The following CENPW variants were observed in gnomAD, a reference collection of about 807,000 sequenced individuals.
CENPW encodes cancer-up-regulated gene 2 protein.
In CENPW, 3 loss-of-function variants were observed where a neutral mutation model predicts 11.1. The ratio of observed to expected loss-of-function variants is 0.27; its 90% confidence interval spans 0.12 to 0.70. The LOEUF (loss-of-function observed/expected upper bound fraction) is 0.70, where lower values mean the gene tolerates loss of function less well. CENPW is among the 30% of genes least tolerant of loss of function. CENPW has a pLI of 0.77. For missense variants in CENPW, 100 were observed against 105.6 expected, an observed-to-expected ratio of 0.95 and a Z score of 0.23; for synonymous variants, 38 against 42.0, an observed-to-expected ratio of 0.91 and a Z score of 0.37.
the CENPW span, among the ~76,000 whole-genome samples, chr6:126,442,460 T>A: frequency 6.6e-6 from 1 of 151,410 alleles, no homozygotes; most frequent in Non-Finnish European, 1.5e-5. Context: ...ATCTTCACAA[T>A]CTATACATCC....
chr6:126,459,625 A>G, the CENPW span, among the ~76,000 whole-genome samples: 1 of 151,596 alleles, frequency 6.6e-6, no homozygotes, highest in East Asian at 1.9e-4. Flanking sequence ...AAAATATGGC[A>G]TGGTGTCTTA....
At chr6:126,479,021 A>G in the CENPW span, among the ~76,000 whole-genome samples, 1 of 152,024 alleles carries the variant, frequency 6.6e-6, no homozygotes, top group Non-Finnish European at 1.5e-5. Context: ...CATACATTTG[A>G]GTCCCAGCCC....
chr6:126,346,990 CT>C (rs1391715492), intron 2 of CENPW, among the ~76,000 whole-genome samples: 1 of 152,114 alleles, frequency 6.6e-6, no homozygotes, highest in Non-Finnish European at 1.5e-5. Context: ...GAGATGATTG[CT>C]TTTTACTGTT....
At chr6:126,422,327 T>C in the CENPW span, among the ~76,000 whole-genome samples, 8 of 152,110 alleles carry the variant, frequency 5.3e-5, no homozygotes, top group African/African-American at 1.7e-4. Flanking sequence ...TACAATGTAC[T>C]GGGTAGCTTA....
the CENPW span, among the ~76,000 whole-genome samples, chr6:126,364,343 A>G: frequency 6.6e-6 from 1 of 152,228 alleles, no homozygotes; most frequent in Admixed American, 6.5e-5. Flanking sequence ...AATGCAGATC[A>G]TAATTTAGGC....
chr6:126,425,159 C>T, the CENPW span, among the ~76,000 whole-genome samples: 1 of 152,116 alleles, frequency 6.6e-6, no homozygotes, highest in Admixed American at 6.6e-5. Context: ...TGGAGTCTTT[C>T]ACAGAGGATA....
chr6:126,430,116 T>G, the CENPW span, among the ~76,000 whole-genome samples: 10 of 152,332 alleles, frequency 6.6e-5, no homozygotes, highest in African/African-American at 2.4e-4. Context: ...GACCTGTGTA[T>G]GTACCTGGAA....
At chr6:126,424,233 C>A in the CENPW span, among the ~76,000 whole-genome samples, 18 of 151,990 alleles carry the variant, frequency 1.2e-4, no homozygotes, top group Non-Finnish European at 1.6e-4. Context: ...ATTCTGAAGA[C>A]CACACACAGA....
Position 126,346,226 on chromosome 6 carries a change from T to A in CENPW, c.148T>A (p.Phe50Ile). The A allele has an allele frequency of 6.2e-7, 1 of 1,602,658 alleles. No individual in the cohort carries two copies. The highest frequency in any genetic ancestry group is 8.5e-7 in the Non-Finnish European group (1 of 1,171,760). The change falls in exon 2 of 3, where the codon TTT (phenylalanine) becomes ATT (isoleucine). Residue 50 changes from phenylalanine (F) to isoleucine (I), a missense_variant. Phe to Ile is a conservative substitution (Grantham distance 21). Transcript: ENST00000368328. ...AAAGGTCCATCTGAACTGTTTACTG[T>A]TTGTTCATCGATTAGCAGAAGAGTC... ...DLLVHLNCLL[F>I]VHRLAEESRT...
chr6:126,463,433 C>T, the CENPW span, among the ~76,000 whole-genome samples: 2 of 151,540 alleles, frequency 1.3e-5, no homozygotes, highest in East Asian at 3.9e-4. Context: ...TGTAATTAAA[C>T]CCAAATTAAG....
At chr6:126,422,061 T>C in the CENPW span, among the ~76,000 whole-genome samples, 1 of 152,146 alleles carries the variant, frequency 6.6e-6, no homozygotes, top group East Asian at 1.9e-4. Context: ...AGTAGACTTC[T>C]TTGCTGAGAA....
the CENPW span, among the ~76,000 whole-genome samples, chr6:126,428,952 G>A: frequency 3.3e-5 from 5 of 152,026 alleles, no homozygotes; most frequent in Non-Finnish European, 5.9e-5. Context: ...TGTATATACT[G>A]TATATAGACT....
the CENPW span, among the ~76,000 whole-genome samples, chr6:126,449,110 A>G: frequency 6.6e-6 from 1 of 150,988 alleles, no homozygotes; most frequent in Non-Finnish European, 1.5e-5. Context: ...AAAAAAACAA[A>G]CCTTCTTTGA....
At chr6:126,474,721 A>G in the CENPW span, among the ~76,000 whole-genome samples, 1 of 152,052 alleles carries the variant, frequency 6.6e-6, no homozygotes, top group African/African-American at 2.4e-5. Context: ...CACCAGATCT[A>G]TTTCCTCTTA....
the CENPW span, among the ~76,000 whole-genome samples, chr6:126,460,347 A>T: frequency 4.1e-4 from 63 of 151,892 alleles, no homozygotes; most frequent in Non-Finnish European, 7.5e-4. Flanking sequence ...TCTCAATTTG[A>T]TACTCAAATT....
the CENPW span, among the ~76,000 whole-genome samples, chr6:126,459,163 T>C: frequency 1.3e-5 from 2 of 151,448 alleles, no homozygotes; most frequent in East Asian, 3.9e-4. Context: ...CCAATGCTAA[T>C]GGATTTTTTT....
At chr6:126,425,474 G>T in the CENPW span, among the ~76,000 whole-genome samples, 1 of 152,094 alleles carries the variant, frequency 6.6e-6, no homozygotes. Flanking sequence ...AAGGGCAGTA[G>T]CCAATAGGAG....
the CENPW span, among the ~76,000 whole-genome samples, chr6:126,458,273 A>G: frequency 2.6e-5 from 4 of 151,496 alleles, no homozygotes; most frequent in South Asian, 6.2e-4. Context: ...AGGATAATTC[A>G]TGGCTATGAT....
the CENPW span, among the ~76,000 whole-genome samples, chr6:126,446,345 AC>A: frequency 7.2e-6 from 1 of 139,352 alleles, no homozygotes; most frequent in African/African-American, 2.6e-5. Context: ...ACTTCAAATG[AC>A]CCCCTCCCTG....
Sources: allele counts gnomAD v4.1 joint callset (sites outside exome capture counted in the v4.1 genomes callset), GRCh38; gene constraint gnomAD v4.1.1; transcripts MANE v1.5; gene names NCBI Gene and HGNC (gene_info 2026-07-23, HGNC 2026-07-21).